The following MAN1B1 variants were observed in gnomAD, a reference collection of about 807,000 sequenced individuals.
MAN1B1 encodes mannosidase alpha class 1B member 1.
Under a neutral mutation model 75.5 loss-of-function variants are expected in MAN1B1, and 66 were observed. The observed-to-expected ratio is 0.87, with a 90% CI of 0.72 to 1.07. The LOEUF (loss-of-function observed/expected upper bound fraction) is 1.07. Among genes scored for constraint, MAN1B1 ranks in the 50% least tolerant of loss-of-function variants. The pLI, the probability that MAN1B1 is intolerant of heterozygous loss-of-function variation, is 0.00. For missense variants in MAN1B1, 973 were observed against 912.5 expected, an observed-to-expected ratio of 1.07 and a Z score of -0.85; for synonymous variants, 453 against 382.8, an observed-to-expected ratio of 1.18 and a Z score of -2.14.
At chr9:137,102,889 GGCGT>G (rs1830913226) in intron 8 of MAN1B1, 1 of 423,370 alleles carries the variant, frequency 2.4e-6, no homozygotes, top group African/African-American at 2.3e-5. Flanking sequence ...TGCTGTTGCA[GGCGT>G]GCAGGTCAGT....
intron 3 of MAN1B1, chr9:137,089,309 G>A (rs1830460730): frequency 4.6e-6 from 2 of 436,398 alleles, no homozygotes; most frequent in East Asian, 1.0e-4. Flanking sequence ...GCCAGGCACA[G>A]ATGGGCAGAG....
chr9:137,101,767 G>C, intron 8 of MAN1B1, 95 bp downstream of exon 8: 1 of 1,388,802 alleles, frequency 7.2e-7, no homozygotes, highest in Non-Finnish European at 1.0e-6. Flanking sequence ...ATGTGCATGT[G>C]TGTTTTCAGG....
chr9:137,087,703 A>C (rs2130985216), intron 1 of MAN1B1: 1 of 406,534 alleles, frequency 2.5e-6, no homozygotes, highest in South Asian at 2.1e-5. Flanking sequence ...GAGTCGCAGG[A>C]GTCTTTCTCC....
At chr9:137,089,097 C>A in intron 3 of MAN1B1, 92 bp downstream of exon 3, 3 of 1,462,470 alleles carry the variant, frequency 2.1e-6, no homozygotes, top group Non-Finnish European at 2.9e-6. Context: ...TTTTCCTTTA[C>A]CATTTATTAC....
chr9:137,107,417 C>T lies in MAN1B1; in HGVS notation c.1734C>T (p.Pro578=), dbSNP rs1199027463. ...AGATCGTGCACTTCAACCTTTACCC[C>T]CAGCCGGGCCGTCGGGACGTGGAGG... The part of the protein sequence containing the change: ...SPEIVHFNLY[P]QPGRRDVEVK... The change falls in exon 11 of 13, where the codon CCC becomes CCT. Residue 578 remains proline (P), a synonymous_variant. Transcript: ENST00000371589. 6.8e-6 allele frequency: 11 copies of T among 1,613,494 alleles called. No individual in the cohort carries two copies.
rs376363238 is a variant in MAN1B1 at position 137,099,833 on chromosome 9, A to T, written c.868A>T (p.Thr290Ser). 4.6e-5 allele frequency: 75 copies of T among 1,614,128 alleles called. No individual in the cohort carries two copies. Among genetic ancestry groups the T allele is most frequent in the Non-Finnish European group, 6.2e-5 (73 of 1,180,056 alleles). ...CAGTGAGTGGTTTGGCCTCGGTCTC[A>T]CACTGATCGACGCGCTGGACACCAT... ...SFSEWFGLGL[T>S]LIDALDTMWI... Residue 290 changes from threonine to serine, a missense_variant, in exon 6 of 13, where the codon ACA becomes TCA. Coordinates refer to ENST00000371589, the MANE Select transcript of MAN1B1 (RefSeq NM_016219.5).
chr9:137,107,133 TC>T, intron 10 of MAN1B1, 116 bp from the exon 11 acceptor site: 1 of 1,158,246 alleles, frequency 8.6e-7, no homozygotes, highest in Non-Finnish European at 1.2e-6. Context: ...TCGCGTGGCC[TC>T]CCCTCCCAGG....
At chr9:137,103,254 C>CGGT (rs1211301854) in intron 8 of MAN1B1, 18 of 350,008 alleles carry the variant, frequency 5.1e-5, no homozygotes, top group East Asian at 2.9e-4. Context: ...GCGTGCAGGT[C>CGGT]GGTGTTACAC....
chr9:137,090,597 T>C (rs1190303298), intron 3 of MAN1B1, among the ~76,000 whole-genome samples: 1 of 151,876 alleles, frequency 6.6e-6, no homozygotes, highest in Non-Finnish European at 1.5e-5. Flanking sequence ...TGGAGTGCAG[T>C]GGTGTGATCT....
At position 137,101,507 on chromosome 9, in the gene MAN1B1, G is replaced by T. The variant is rs1485610412; in HGVS notation, c.1089G>T (p.Met363Ile). ...AGGAGGATTTTGGAAATCGGCTAATGCCTGCCTTCAGAACACCATCCAAGA... is the reference window on the plus strand; with the variant it reads ...AGGAGGATTTTGGAAATCGGCTAATTCCTGCCTTCAGAACACCATCCAAGA... ...RKAEDFGNRL[M>I]PAFRTPSKIP... is the part of the protein sequence containing the mutation. The change falls in exon 8 of 13, where the codon ATG becomes ATT. Residue 363 changes from methionine to isoleucine, a missense_variant. Met to Ile is a conservative substitution (Grantham distance 10). Transcript: ENST00000371589. The T allele has an allele frequency of 6.2e-7, 1 of 1,613,882 alleles. No individual in the cohort carries two copies. The highest frequency in any genetic ancestry group is 1.3e-5 in the African/African-American group (1 of 75,052).
At chr9:137,095,041 A>T (rs1322948736) in intron 3 of MAN1B1, among the ~76,000 whole-genome samples, 1 of 150,874 alleles carries the variant, frequency 6.6e-6, no homozygotes, top group South Asian at 2.1e-4. Context: ...TACAAAAATT[A>T]GCCAGGTGTG....
In MAN1B1 at chr9:137,093,890, C is replaced by A. The variant is rs1455108351; in HGVS notation, c.466-2347C>A. ...AAATTCATCTGTAAATCCATTGACTCCCTATCAAAATTCCAACCTCTGTTT... is the reference window on the plus strand; with the variant it reads ...AAATTCATCTGTAAATCCATTGACTACCTATCAAAATTCCAACCTCTGTTT... On this transcript the variant is annotated intron_variant, in intron 3 of 12. Coordinates refer to ENST00000371589, the MANE Select transcript of MAN1B1 (RefSeq NM_016219.5). Among the ~76,000 whole-genome samples the A allele has an allele frequency of 2.6e-5, 4 of 151,990 alleles. 1 individual carries two copies. Among genetic ancestry groups the A allele is most frequent in the Admixed American group, 2.0e-4 (3 of 15,250 alleles).
intron 3 of MAN1B1, among the ~76,000 whole-genome samples, chr9:137,093,213 G>A (rs1483127533): frequency 1.3e-5 from 2 of 152,140 alleles, no homozygotes; most frequent in Admixed American, 6.6e-5. Flanking sequence ...GGCCAACATG[G>A]TGAAACCCCA....
chr9:137,098,575 T>C (rs1028363087), intron 5 of MAN1B1, among the ~76,000 whole-genome samples: 8 of 152,130 alleles, frequency 5.3e-5, no homozygotes, highest in Non-Finnish European at 1.0e-4. Context: ...GTGAGGGATG[T>C]GTAGCAATCT....
chr9:137,089,751 G>T (rs116018011), intron 3 of MAN1B1, among the ~76,000 whole-genome samples: 8 of 152,282 alleles, frequency 5.3e-5, no homozygotes, highest in East Asian at 1.9e-4. Context: ...AAAGCTGAGT[G>T]GGGGGAGGAG....
At position 137,106,111 on chromosome 9, in the gene MAN1B1, C is replaced by G. The variant is rs1458991435; in HGVS notation, c.1255-14C>G. Reference sequence around the variant, plus strand: ...CCCTGGCCAGTAAACCCACCATCCCCCTTTCTGCCGCAGGAGGCAGTGGAG... The same window carrying G: ...CCCTGGCCAGTAAACCCACCATCCCGCTTTCTGCCGCAGGAGGCAGTGGAG... On this transcript the variant is annotated splice_polypyrimidine_tract_variant and intron_variant, in intron 8 of 12. Coordinates refer to ENST00000371589, the MANE Select transcript of MAN1B1 (RefSeq NM_016219.5). 2 of 1,611,116 alleles carry G rather than the reference C, an allele frequency of 1.2e-6. No individual in the cohort carries two copies. The highest frequency in any genetic ancestry group is 1.7e-5 in the Admixed American group (1 of 59,982).
intron 5 of MAN1B1, among the ~76,000 whole-genome samples, chr9:137,098,472 G>T (rs1337999263): frequency 3.3e-5 from 5 of 152,220 alleles, no homozygotes; most frequent in African/African-American, 7.2e-5. Context: ...CTCATGGCAG[G>T]TCGCTGAGTC....
At chr9:137,104,778 C>T (rs778913714) in intron 8 of MAN1B1, 140 of 155,636 alleles carry the variant, frequency 9.0e-4, no homozygotes, top group Non-Finnish European at 1.7e-3. Flanking sequence ...CTGCCTGAGG[C>T]TCTGCTTTGT....
intron 3 of MAN1B1, 43 bp downstream of exon 3, chr9:137,089,048 C>G (rs1329863288): frequency 6.2e-7 from 1 of 1,611,802 alleles, no homozygotes; most frequent in Admixed American, 1.7e-5. Context: ...GGGGTTCAAT[C>G]CAGAGGCATT....
Sources: gnomAD v4.1 joint callset for allele counts (sites outside exome capture counted in the v4.1 genomes callset) on GRCh38, gnomAD v4.1.1 for gene constraint, MANE v1.5 for transcripts, NCBI Gene and HGNC (gene_info 2026-07-23, HGNC 2026-07-21) for gene names.